The following SGK3 variants were observed in gnomAD, a reference collection of about 807,000 sequenced individuals.
SGK3 encodes serine/threonine-protein kinase Sgk3.
Under a neutral mutation model 68.5 loss-of-function variants are expected in SGK3, and 47 were observed. That is an observed-to-expected ratio of 0.69 (90% CI 0.54 to 0.87). The LOEUF (loss-of-function observed/expected upper bound fraction) is 0.87. SGK3 is among the 40% of genes least tolerant of loss of function. The pLI is 0.00. For missense variants in SGK3, 479 were observed against 575.5 expected (o/e 0.83, Z 1.72); for synonymous variants, 181 against 189.1 (o/e 0.96, Z 0.35).
chr8:66,748,556 C>T (rs868144648), intron 1 of SGK3, among the ~76,000 whole-genome samples: 2 of 152,116 alleles, frequency 1.3e-5, no homozygotes, highest in Non-Finnish European at 1.5e-5. Context: ...CCTGCTGTTA[C>T]CGACATCACC....
At position 66,796,158 on chromosome 8, in the gene SGK3, G is replaced by C. The variant is rs553464999; in HGVS notation, c.96+2326G>C. Among the ~76,000 whole-genome samples the C allele has an allele frequency of 2.2e-4, 33 of 151,340 alleles. No homozygotes were observed. In the South Asian group the frequency reaches 2.9e-3, roughly 13 times the overall value. On this transcript the variant is annotated intron_variant, in intron 2 of 16. Transcript: ENST00000521198. ...TTATTTATTTTATTTATTTTTTTGA[G>C]ACAGAATCTCGCTCTGTCGCCAGGC...
At chr8:66,832,910 GTT>G (rs113467692) in intron 8 of SGK3, among the ~76,000 whole-genome samples, 1 of 142,604 alleles carries the variant, frequency 7.0e-6, no homozygotes, top group Non-Finnish European at 1.6e-5. Flanking sequence ...TGTTTGTTTT[GTT>G]TTTTTTTTTG....
At chr8:66,807,324 A>G (rs896053685) in intron 4 of SGK3, among the ~76,000 whole-genome samples, 6 of 152,336 alleles carry the variant, frequency 3.9e-5, no homozygotes, top group African/African-American at 1.2e-4. Flanking sequence ...GGAGTTCTGT[A>G]GAGCCCTTAA....
In SGK3 at chr8:66,713,812, T is replaced by C. The variant is rs772563643; in HGVS notation, c.-122+979T>C. On this transcript the variant is annotated intron_variant, in intron 1 of 16. Transcript: ENST00000521198. ...CCATACTTTAGTTCCCCAAATGTCA[T>C]TGGAAGAGCTGTAAACATTAGAGGA... Among the ~76,000 whole-genome samples the C allele has an allele frequency of 3.9e-5, 6 of 152,196 alleles. No homozygotes were observed. In the South Asian group the frequency reaches 6.2e-4, roughly 16 times the overall value.
intron 1 of SGK3, among the ~76,000 whole-genome samples, chr8:66,768,777 C>T (rs778349374): frequency 6.6e-6 from 1 of 152,106 alleles, no homozygotes; most frequent in Non-Finnish European, 1.5e-5. Context: ...ATTTACCAGG[C>T]TCGTCTCGAA....
chr8:66,717,527 CA>C (rs34100199), intron 1 of SGK3, among the ~76,000 whole-genome samples: 2 of 149,104 alleles, frequency 1.3e-5, no homozygotes, highest in African/African-American at 2.5e-5. Context: ...GACTCCTTCT[CA>C]AAAAAAAAGA....
chr8:66,792,775 G>A (rs902674237), intron 1 of SGK3, among the ~76,000 whole-genome samples: 33 of 152,206 alleles, frequency 2.2e-4, no homozygotes, highest in African/African-American at 6.7e-4. Context: ...GCCTATAGTC[G>A]CAGCTACTTG....
intron 10 of SGK3, among the ~76,000 whole-genome samples, chr8:66,838,576 G>A (rs570243474): frequency 6.6e-6 from 1 of 152,266 alleles, no homozygotes; most frequent in East Asian, 1.9e-4. Context: ...CCTGCTTTAT[G>A]TGTGGTTTCT....
At chr8:66,720,587 T>A (rs555272841) in intron 1 of SGK3, among the ~76,000 whole-genome samples, 1 of 148,486 alleles carries the variant, frequency 6.7e-6, no homozygotes, top group Non-Finnish European at 1.5e-5. Flanking sequence ...CTGGCCAACA[T>A]GGTGAAACCC....
chr8:66,752,843 G>T (rs1805858973), intron 1 of SGK3, among the ~76,000 whole-genome samples: 1 of 151,964 alleles, frequency 6.6e-6, no homozygotes. Flanking sequence ...GGAGTGGGAA[G>T]TCACAGGTTT....
chr8:66,816,740 T>A (rs1585760258), intron 5 of SGK3, among the ~76,000 whole-genome samples: 1 of 152,214 alleles, frequency 6.6e-6, no homozygotes, highest in Admixed American at 6.5e-5. Flanking sequence ...ACAGTAGAAA[T>A]TTAAGAGGGC....
chr8:66,846,810 G>T (rs1319813976), intron 14 of SGK3, among the ~76,000 whole-genome samples: 1 of 152,156 alleles, frequency 6.6e-6, no homozygotes, highest in African/African-American at 2.4e-5. Context: ...CTTTGTTTCA[G>T]TGAGTTTATT....
chr8:66,834,939 CAAA>C (rs1330585850), intron 8 of SGK3, among the ~76,000 whole-genome samples: 9 of 60,812 alleles, frequency 1.5e-4, no homozygotes, highest in Admixed American at 1.9e-4. Context: ...GACTCTGTCT[CAAA>C]AAAAAAAAAA....
intron 1 of SGK3, among the ~76,000 whole-genome samples, chr8:66,755,148 G>A (rs1399497350): frequency 6.6e-6 from 1 of 151,788 alleles, no homozygotes; most frequent in Non-Finnish European, 1.5e-5. Flanking sequence ...AATCCCAGCT[G>A]CTGGGCAGGC....
chr8:66,760,267 C>G (rs1345938118), intron 1 of SGK3, among the ~76,000 whole-genome samples: 2 of 151,824 alleles, frequency 1.3e-5, no homozygotes, highest in Admixed American at 1.3e-4. Flanking sequence ...TTTATCACTG[C>G]CAACAAATAC....
chr8:66,787,356 G>C lies in SGK3; in HGVS notation c.-121-6260G>C, dbSNP rs530044572. On this transcript the variant is annotated intron_variant, in intron 1 of 16. Coordinates refer to ENST00000521198, the MANE Select transcript of SGK3 (RefSeq NM_001033578.3). ...GTTATACTTTAGATCTGATTTATTG[G>C]TTACTTTTACAGTGCTAGGTCTTTT... 2.0e-5 allele frequency among the ~76,000 whole-genome samples: 3 copies of C among 152,262 alleles called. No homozygotes were observed. In the East Asian group the frequency reaches 5.8e-4, roughly 29 times the overall value.
At chr8:66,745,031 T>C (rs1452198565) in intron 1 of SGK3, among the ~76,000 whole-genome samples, 1 of 152,114 alleles carries the variant, frequency 6.6e-6, no homozygotes, top group Admixed American at 6.5e-5. Flanking sequence ...TAGTCTTTTA[T>C]TTTTTTAAAG....
intron 10 of SGK3, among the ~76,000 whole-genome samples, chr8:66,837,278 T>G (rs1585792507): frequency 6.6e-6 from 1 of 152,232 alleles, no homozygotes; most frequent in East Asian, 1.9e-4. Flanking sequence ...TTTTAACTAA[T>G]AGGTATTGTC....
intron 1 of SGK3, among the ~76,000 whole-genome samples, chr8:66,740,812 C>T (rs114378439): frequency 0.049 from 7,240 of 147,744 alleles, 179 homozygotes; most frequent in Admixed American, 0.067. Flanking sequence ...GAGGATGAGA[C>T]GAAAGAATCA....
Sources: gnomAD v4.1 joint callset for allele counts (sites outside exome capture counted in the v4.1 genomes callset) on GRCh38, gnomAD v4.1.1 for gene constraint, MANE v1.5 for transcripts, NCBI Gene and HGNC (gene_info 2026-07-23, HGNC 2026-07-21) for gene names.